The following HMCN1 variants were observed in gnomAD, a reference collection of about 807,000 sequenced individuals.
HMCN1 encodes the protein hemicentin 1, also known as hemicentin-1.
HMCN1 carries 321 observed loss-of-function variants against 625.9 expected under a neutral mutation model. The observed-to-expected ratio is 0.51, with a 90% CI of 0.47 to 0.56. The LOEUF (loss-of-function observed/expected upper bound fraction) is 0.56. Among genes scored for constraint, HMCN1 ranks in the 20% least tolerant of loss-of-function variants. The pLI is 0.00. For missense variants in HMCN1, 6,588 were observed against 6,887.3 expected (o/e 0.96, Z 1.54); for synonymous variants, 2,425 against 2,417.6 (o/e 1.00, Z -0.09).
intron 89 of HMCN1, among the ~76,000 whole-genome samples, chr1:186,141,470 CAGTT>C (rs889853664): frequency 3.3e-5 from 5 of 152,150 alleles, no homozygotes; most frequent in Admixed American, 6.6e-5. Context: ...TTCCCTGCCC[CAGTT>C]AGTTAGAAGA....
At chr1:185,841,691 A>G (rs1661487175) in intron 1 of HMCN1, among the ~76,000 whole-genome samples, 3 of 152,172 alleles carry the variant, frequency 2.0e-5, no homozygotes, top group South Asian at 2.1e-4. Context: ...ATAGTATCAT[A>G]TGGTAGATGC....
At chr1:186,039,922 T>A in intron 39 of HMCN1, 43 bp downstream of exon 39, 1 of 1,571,734 alleles carries the variant, frequency 6.4e-7, no homozygotes, top group Non-Finnish European at 8.8e-7. Flanking sequence ...CACCTGATTA[T>A]TCAGTACAGG....
chr1:186,100,299 A>G (rs1660327574), intron 68 of HMCN1, among the ~76,000 whole-genome samples: 3 of 152,162 alleles, frequency 2.0e-5, no homozygotes, highest in African/African-American at 7.2e-5. Context: ...TTGAAAATTA[A>G]TTCCATTAAA....
chr1:186,153,322 A>T (rs1481144204), intron 96 of HMCN1, among the ~76,000 whole-genome samples: 1 of 151,120 alleles, frequency 6.6e-6, no homozygotes, highest in Non-Finnish European at 1.5e-5. Flanking sequence ...TTCAAACTTT[A>T]TGTTATTTCC....
chr1:186,171,531 T>A, intron 101 of HMCN1, 81 bp downstream of exon 101: 1 of 1,076,556 alleles, frequency 9.3e-7, no homozygotes, highest in Non-Finnish European at 1.4e-6. Flanking sequence ...ATACACTGTG[T>A]CTTGGTACTG....
chr1:186,133,060 G>A (rs906527512), intron 86 of HMCN1, among the ~76,000 whole-genome samples: 7 of 152,294 alleles, frequency 4.6e-5, no homozygotes, highest in Non-Finnish European at 7.3e-5. Context: ...ATTTGGGTTG[G>A]TTCCAAGTTT....
intron 4 of HMCN1, among the ~76,000 whole-genome samples, chr1:185,898,863 C>A (rs1375909636): frequency 6.6e-6 from 1 of 150,388 alleles, no homozygotes. Flanking sequence ...TGAAACTCAC[C>A]ATTGACTGGT....
Position 186,126,678 on chromosome 1 carries a change from A to C in HMCN1, c.12690+884A>C, listed in dbSNP as rs1055837885. Among the ~76,000 whole-genome samples, 11 of 152,180 alleles carry C rather than the reference A, an allele frequency of 7.2e-5. No homozygotes were observed. In the East Asian group the frequency reaches 2.1e-3, roughly 29 times the overall value. On this transcript the variant is annotated intron_variant, in intron 82 of 106. Transcript: ENST00000271588. ...AAGAACTTGAGGTGGAAACATGTCC[A>C]GTGTATTTGAAAAGCAGGAAGCCAG...
chr1:185,971,667 A>C (rs532578093), intron 15 of HMCN1, among the ~76,000 whole-genome samples: 1 of 152,146 alleles, frequency 6.6e-6, no homozygotes, highest in Non-Finnish European at 1.5e-5. Flanking sequence ...TTTTAGTTCC[A>C]CTGTTTTAAG....
intron 99 of HMCN1, 107 bp downstream of exon 99, chr1:186,166,410 A>T: frequency 7.3e-7 from 1 of 1,372,256 alleles, no homozygotes; most frequent in Non-Finnish European, 1.0e-6. Flanking sequence ...TTCTGCCCAC[A>T]CCTTGGCAAC....
chr1:186,150,704 C>T (rs1650611250), intron 93 of HMCN1, among the ~76,000 whole-genome samples: 1 of 152,016 alleles, frequency 6.6e-6, no homozygotes, highest in African/African-American at 2.4e-5. Flanking sequence ...GGGTTTGATG[C>T]CAAGCAGATC....
rs1298094622 is a variant in HMCN1, at chr1:185,734,766, G to A, written c.-14G>A. 4.3e-6 allele frequency: 7 copies of A among 1,613,770 alleles called. No individual in the cohort carries two copies. Among genetic ancestry groups the A allele is most frequent in the Non-Finnish European group, 5.9e-6 (7 of 1,179,892 alleles). On this transcript the variant is annotated 5_prime_UTR_variant, in exon 1 of 107. Coordinates refer to ENST00000271588, the MANE Select transcript of HMCN1 (RefSeq NM_031935.3). ...TAGGCGCTGAGGGGGAAAAAGAGGG[G>A]GAAAAAAAAGAAAATGATTTCCTGG... is the stretch of plus-strand genomic sequence containing the variant.
rs756241368 is a variant in HMCN1 at position 186,123,228 on chromosome 1, G to A, written c.12499+8G>A. The A allele has an allele frequency of 1.2e-6, 2 of 1,611,860 alleles. No homozygotes were observed. Among genetic ancestry groups the A allele is most frequent in the Non-Finnish European group, 1.7e-6 (2 of 1,178,854 alleles). On this transcript the variant is annotated splice_region_variant and intron_variant, in intron 81 of 106. Transcript: ENST00000271588. Reference sequence around the variant, plus strand: ...CCAAGCTCACCGTCCATGGTAGGTTGTTTAACATGAATTATTTTAGTCTGC... The same window carrying A: ...CCAAGCTCACCGTCCATGGTAGGTTATTTAACATGAATTATTTTAGTCTGC...
At chr1:186,026,047 G>A (rs1655037916) in intron 36 of HMCN1, among the ~76,000 whole-genome samples, 1 of 152,192 alleles carries the variant, frequency 6.6e-6, no homozygotes, top group South Asian at 2.1e-4. Flanking sequence ...CATGTGATGG[G>A]AATCTAGAAA....
In HMCN1 at chr1:185,902,405, CTCTATCTATCTA is replaced by C. The variant is rs57523158; in HGVS notation, c.622-6895_622-6884del. Among the ~76,000 whole-genome samples the C allele has an allele frequency of 3.2e-3, 461 of 145,456 alleles. 2 individuals are homozygous for C. The highest frequency in any genetic ancestry group is 3.2e-3 in the Non-Finnish European group (209 of 66,342). On this transcript the variant is annotated intron_variant, in intron 4 of 106. Transcript: ENST00000271588. ...TCTATCTATCTATCTATCTATCTAT[CTCTATCTATCTA>C]TCTATCTATCTATCTATCTATCTAT...
chr1:186,081,788 A>T (rs536496324), intron 56 of HMCN1, among the ~76,000 whole-genome samples: 27 of 152,334 alleles, frequency 1.8e-4, no homozygotes, highest in Non-Finnish European at 2.9e-4. Context: ...TGATAATAAT[A>T]AAAATTATGA....
At chr1:186,039,253 A>G (rs1410856195) in intron 38 of HMCN1, among the ~76,000 whole-genome samples, 2 of 152,194 alleles carry the variant, frequency 1.3e-5, no homozygotes, top group Non-Finnish European at 2.9e-5. Flanking sequence ...ACTGTTAGCT[A>G]ACAACAAAAA....
chr1:185,895,839 C>T (rs920039699), intron 4 of HMCN1, among the ~76,000 whole-genome samples: 5 of 152,142 alleles, frequency 3.3e-5, no homozygotes, highest in African/African-American at 1.2e-4. Flanking sequence ...TTTGCCCTTT[C>T]CTTGGTAAGT....
chr1:185,800,122 AC>A (rs530691268), intron 1 of HMCN1, among the ~76,000 whole-genome samples: 132 of 152,336 alleles, frequency 8.7e-4, no homozygotes, highest in African/African-American at 3.1e-3. Context: ...TCCACAGCCT[AC>A]AAGGTGATAG....
Sources: allele counts gnomAD v4.1 joint callset (sites outside exome capture counted in the v4.1 genomes callset), GRCh38; gene constraint gnomAD v4.1.1; transcripts MANE v1.5; gene names NCBI Gene and HGNC (gene_info 2026-07-23, HGNC 2026-07-21).